Variants in FHOD3 observed in about 807,000 individuals in gnomAD.
The protein encoded by FHOD3 is FH1/FH2 domain-containing protein 3.
Under a neutral mutation model 173.0 loss-of-function variants are expected in FHOD3, and 90 were observed. That is an observed-to-expected ratio of 0.52 (90% CI 0.44 to 0.62). FHOD3 has a LOEUF of 0.62. Ranked by LOEUF, FHOD3 falls within the 20% of genes least tolerant of loss-of-function variation. The pLI is 0.00. For missense variants in FHOD3, 1,945 were observed against 2,034.7 expected, an observed-to-expected ratio of 0.96 and a Z score of 0.85; for synonymous variants, 828 against 823.0, an observed-to-expected ratio of 1.01 and a Z score of -0.10.
chr18:36,383,722 C>A (rs972646208), intron 3 of FHOD3, among the ~76,000 whole-genome samples: 1 of 152,214 alleles, frequency 6.6e-6, no homozygotes, highest in Non-Finnish European at 1.5e-5. Context: ...TTAATCCAAA[C>A]AGTAACCTAT....
At chr18:36,439,030 A>G (rs2064652718) in intron 3 of FHOD3, among the ~76,000 whole-genome samples, 1 of 152,190 alleles carries the variant, frequency 6.6e-6, no homozygotes, top group South Asian at 2.1e-4. Context: ...ATCTACTAGC[A>G]TCTCATGGAA....
chr18:36,751,153 T>C (rs145724633), intron 24 of FHOD3, among the ~76,000 whole-genome samples: 2 of 152,370 alleles, frequency 1.3e-5, no homozygotes, highest in African/African-American at 4.8e-5. Flanking sequence ...CTCTGATTTC[T>C]TTGAGCAGTG....
chr18:36,744,185 T>C lies in FHOD3; in HGVS notation c.4033T>C (p.Ser1345Pro), dbSNP rs763415734. ...CTCGGAGATCGGGGCCATCACCAGG[T>C]CAGCCAAGGTATGTCTGTGGACGCT... The part of the protein sequence containing the change: ...LYSEIGAITR[S>P]AKVDFDQLQD... The change falls in exon 23 of 29, where the codon TCA (serine) becomes CCA (proline). Residue 1345 changes from serine to proline, a missense_variant. This residue lies in a region of FHOD3 where 231 missense variants were observed against 321.9 expected (regional missense o/e 0.72). Coordinates refer to ENST00000590592, the MANE Select transcript of FHOD3 (RefSeq NM_001281740.3). 5 of 1,613,484 alleles carry C rather than the reference T, an allele frequency of 3.1e-6. No homozygotes were observed. Among genetic ancestry groups the C allele is most frequent in the Non-Finnish European group, 3.4e-6 (4 of 1,179,692 alleles).
chr18:36,586,945 G>A (rs2059054804), intron 6 of FHOD3, among the ~76,000 whole-genome samples: 1 of 152,074 alleles, frequency 6.6e-6, no homozygotes, highest in Non-Finnish European at 1.5e-5. Flanking sequence ...CCTGATTGGT[G>A]CTGTGAAGCC....
chr18:36,724,597 C>T (rs552776470), intron 19 of FHOD3, among the ~76,000 whole-genome samples: 32 of 152,318 alleles, frequency 2.1e-4, no homozygotes, highest in African/African-American at 6.7e-4. Context: ...CCTTAATGAC[C>T]GCCCTCCTGC....
intron 9 of FHOD3, among the ~76,000 whole-genome samples, chr18:36,624,473 T>G (rs1201163588): frequency 6.6e-6 from 1 of 152,072 alleles, no homozygotes; most frequent in Non-Finnish European, 1.5e-5. Flanking sequence ...AGGCCAGAGA[T>G]AGAGTCCCTG....
chr18:36,505,306 G>GT (rs1189841941), intron 4 of FHOD3, among the ~76,000 whole-genome samples: 3 of 152,246 alleles, frequency 2.0e-5, no homozygotes, highest in African/African-American at 7.2e-5. Flanking sequence ...GGGCAGTGGC[G>GT]TAAGTGTGAA....
chr18:36,540,498 C>T (rs1052758099), intron 5 of FHOD3, among the ~76,000 whole-genome samples: 3 of 152,170 alleles, frequency 2.0e-5, no homozygotes, highest in Admixed American at 1.3e-4. Flanking sequence ...CCACTTAGCA[C>T]TCCTAGGGGA....
chr18:36,504,733 TATAGTA>T (rs1197815838), intron 4 of FHOD3, among the ~76,000 whole-genome samples: 2 of 151,722 alleles, frequency 1.3e-5, no homozygotes, highest in African/African-American at 2.4e-5. Flanking sequence ...CCCTAAAACT[TATAGTA>T]ATAATAATAA....
chr18:36,627,464 A>G (rs1213373898), intron 10 of FHOD3, among the ~76,000 whole-genome samples: 1 of 152,180 alleles, frequency 6.6e-6, no homozygotes, highest in Non-Finnish European at 1.5e-5. Context: ...CATCCTGGGC[A>G]CGGTTCACAG....
At chr18:36,525,443 C>T (rs1172682871) in intron 5 of FHOD3, among the ~76,000 whole-genome samples, 1 of 152,124 alleles carries the variant, frequency 6.6e-6, no homozygotes, top group African/African-American at 2.4e-5. Flanking sequence ...GTGAGACACC[C>T]CCAGCAGAAG....
chr18:36,723,285 C>T (rs2040881841), intron 19 of FHOD3, among the ~76,000 whole-genome samples: 5 of 152,172 alleles, frequency 3.3e-5, no homozygotes, highest in Admixed American at 3.3e-4. Context: ...CAAACCTTAC[C>T]TGGCAAGAAA....
intron 3 of FHOD3, among the ~76,000 whole-genome samples, chr18:36,404,605 C>T (rs144929157): frequency 7.2e-5 from 11 of 152,048 alleles, no homozygotes; most frequent in Non-Finnish European, 1.3e-4. Context: ...AGGTCTCGGG[C>T]GGGGCCTGAG....
At chr18:36,678,524 C>CAAAAAAAAAAAAAAAAAAAAAAAAA (rs58064190) in intron 14 of FHOD3, among the ~76,000 whole-genome samples, 2 of 71,162 alleles carry the variant, frequency 2.8e-5, no homozygotes, top group Non-Finnish European at 5.2e-5. Context: ...GACCCTGTCT[C>CAAAAAAAAAAAAAAAAAAAAAAAAA]AAAAAAAAAA....
At chr18:36,561,645 C>A (rs994643114) in intron 5 of FHOD3, among the ~76,000 whole-genome samples, 3 of 152,164 alleles carry the variant, frequency 2.0e-5, no homozygotes, top group African/African-American at 7.2e-5. Context: ...CCACCATCAT[C>A]ACTATTTATT....
chr18:36,613,698 GTC>G (rs984089433), intron 9 of FHOD3, among the ~76,000 whole-genome samples: 1 of 152,038 alleles, frequency 6.6e-6, no homozygotes, highest in Non-Finnish European at 1.5e-5. Flanking sequence ...TTTTGAGACA[GTC>G]TCTCTCTCTG....
intron 1 of FHOD3, among the ~76,000 whole-genome samples, chr18:36,352,973 ATTTCAGTCCACTGG>A (rs1241099738): frequency 6.6e-6 from 1 of 152,168 alleles, no homozygotes; most frequent in Non-Finnish European, 1.5e-5. Context: ...ATAAAGTCTG[ATTTCAGTCCACTGG>A]TGATGGTTGG....
intron 14 of FHOD3, among the ~76,000 whole-genome samples, chr18:36,678,630 A>C (rs938843914): frequency 6.6e-6 from 1 of 151,926 alleles, no homozygotes; most frequent in Non-Finnish European, 1.5e-5. Flanking sequence ...TGTCAGATTA[A>C]GAAAGTTTTC....
intron 3 of FHOD3, among the ~76,000 whole-genome samples, chr18:36,490,462 G>A (rs879710464): frequency 3.3e-5 from 5 of 152,138 alleles, no homozygotes; most frequent in Non-Finnish European, 7.4e-5. Context: ...GGGTCCCAAG[G>A]TAACCAGACC....
Sources: gnomAD v4.1 joint callset for allele counts (sites outside exome capture counted in the v4.1 genomes callset) on GRCh38, gnomAD v4.1.1 for gene constraint, gnomAD v4.1.1 regional missense constraint, MANE v1.5 for transcripts, NCBI Gene and HGNC (gene_info 2026-07-23, HGNC 2026-07-21) for gene names.